The following FBXL17 variants were observed in gnomAD, a reference collection of about 807,000 sequenced individuals.
FBXL17 encodes the protein F-box and leucine rich repeat protein 17.
A neutral mutation model predicts 66.2 loss-of-function variants in FBXL17; 22 were observed. The observed-to-expected ratio is 0.33, with a 90% CI of 0.24 to 0.47. The LOEUF (loss-of-function observed/expected upper bound fraction) is 0.47, where lower values mean the gene tolerates loss of function less well. Among genes scored for constraint, FBXL17 ranks in the 20% least tolerant of loss-of-function variants. The pLI, the probability that FBXL17 is intolerant of heterozygous loss-of-function variation, is 1.00. For missense variants in FBXL17, 878 were observed against 948.2 expected (o/e 0.93, Z 0.97); for synonymous variants, 474 against 400.5 (o/e 1.18, Z -2.19).
intron 5 of FBXL17, among the ~76,000 whole-genome samples, chr5:108,197,654 T>C (rs1392186110): frequency 6.6e-6 from 1 of 152,184 alleles, no homozygotes; most frequent in Non-Finnish European, 1.5e-5. Flanking sequence ...AGCAATACAG[T>C]CAAATCATTT....
At chr5:108,374,753 A>C (rs1291453551) in intron 1 of FBXL17, among the ~76,000 whole-genome samples, 1 of 152,184 alleles carries the variant, frequency 6.6e-6, no homozygotes, top group Admixed American at 6.5e-5. Context: ...GGAAATCTGG[A>C]AATTTCACAA....
Position 108,381,842 on chromosome 5 carries a change from C to T in FBXL17, c.-151G>A. ...CACGCACACACGGGCACACACGCGA[C>T]GGTGGGGGGTGGGCGTCAGCTGCGG... On this transcript the variant is annotated 5_prime_UTR_variant, in exon 1 of 9. Transcript: ENST00000542267. The T allele has an allele frequency of 1.6e-6, 2 of 1,286,726 alleles. No individual in the cohort carries two copies. Among genetic ancestry groups the T allele is most frequent in the Non-Finnish European group, 2.0e-6 (2 of 1,016,956 alleles). 79.7% of individuals were successfully genotyped at this position (1,286,726 alleles called of 1,614,324 possible). A position where few individuals can be genotyped will look rare whatever the true frequency, so the allele number is the denominator to read the frequency against.
At chr5:108,116,147 A>G (rs940789727) in intron 6 of FBXL17, among the ~76,000 whole-genome samples, 1 of 152,178 alleles carries the variant, frequency 6.6e-6, no homozygotes, top group Non-Finnish European at 1.5e-5. Context: ...GAAAAACACT[A>G]AAGTTAAGAA....
chr5:107,866,355 T>A (rs1214419820), intron 8 of FBXL17, among the ~76,000 whole-genome samples: 1 of 152,244 alleles, frequency 6.6e-6, no homozygotes, highest in Non-Finnish European at 1.5e-5. Context: ...ATTTACATTT[T>A]CAAAATTGTT....
At chr5:107,960,675 A>G (rs753294165) in intron 7 of FBXL17, among the ~76,000 whole-genome samples, 8 of 152,178 alleles carry the variant, frequency 5.3e-5, no homozygotes, top group Non-Finnish European at 1.0e-4. Flanking sequence ...AGTAATTCAA[A>G]AAGGTTTCTG....
At chr5:107,883,379 C>T (rs1748857759) in intron 7 of FBXL17, among the ~76,000 whole-genome samples, 4 of 151,732 alleles carry the variant, frequency 2.6e-5, no homozygotes, top group Admixed American at 2.6e-4. Context: ...GCCATGCCAC[C>T]AGTGGTGGAA....
At chr5:108,139,652 C>G (rs1368818738) in intron 6 of FBXL17, among the ~76,000 whole-genome samples, 2 of 152,166 alleles carry the variant, frequency 1.3e-5, no homozygotes, top group Non-Finnish European at 2.9e-5. Flanking sequence ...AGGTTTTTAT[C>G]TCACAATTTG....
At chr5:108,194,656 C>T (rs978795103) in intron 5 of FBXL17, among the ~76,000 whole-genome samples, 1 of 152,188 alleles carries the variant, frequency 6.6e-6, no homozygotes, top group African/African-American at 2.4e-5. Context: ...GAAATCTAAT[C>T]TTAATGCTTG....
intron 6 of FBXL17, among the ~76,000 whole-genome samples, chr5:108,120,006 G>T (rs185639814): frequency 7.2e-5 from 11 of 152,332 alleles, no homozygotes; most frequent in Admixed American, 3.3e-4. Flanking sequence ...AACACATGCT[G>T]CACTTGTGCT....
intron 6 of FBXL17, among the ~76,000 whole-genome samples, chr5:108,151,762 C>T (rs886738961): frequency 6.6e-6 from 1 of 152,128 alleles, no homozygotes; most frequent in African/African-American, 2.4e-5. Flanking sequence ...TTTACCTCTG[C>T]GAAAAACCTG....
chr5:107,915,906 C>T (rs1487651174), intron 7 of FBXL17, among the ~76,000 whole-genome samples: 1 of 152,208 alleles, frequency 6.6e-6, no homozygotes, highest in Non-Finnish European at 1.5e-5. Flanking sequence ...ACAAAGGATG[C>T]ATGTTGCCGC....
chr5:108,135,214 T>C (rs949038683), intron 6 of FBXL17, among the ~76,000 whole-genome samples: 14 of 152,004 alleles, frequency 9.2e-5, no homozygotes, highest in Non-Finnish European at 1.9e-4. Context: ...TTAGCATAGA[T>C]TTGGAGAAAA....
At chr5:108,169,622 TA>T (rs1752534396) in intron 6 of FBXL17, among the ~76,000 whole-genome samples, 1 of 152,218 alleles carries the variant, frequency 6.6e-6, no homozygotes, top group South Asian at 2.1e-4. Context: ...TGAATCCACA[TA>T]CCTCACAGAT....
intron 4 of FBXL17, among the ~76,000 whole-genome samples, chr5:108,282,331 G>GT (rs1757733223): frequency 6.6e-6 from 1 of 151,696 alleles, no homozygotes; most frequent in Non-Finnish European, 1.5e-5. Flanking sequence ...CAAGTGGGTT[G>GT]AATGTATCAG....
Position 107,980,664 on chromosome 5 carries a change from A to ATATATATATTTTTTTT in FBXL17, c.1822+40260_1822+40261insAAAAAAAATATATATA. Among the ~76,000 whole-genome samples, 44 of 62,074 alleles carry ATATATATATTTTTTTT rather than the reference A, an allele frequency of 7.1e-4. 2 individuals carry two copies. Among genetic ancestry groups the ATATATATATTTTTTTT allele is most frequent in the African/African-American group, 3.9e-3 (38 of 9,748 alleles). 40.7% of individuals were successfully genotyped at this position (62,074 alleles called of 152,430 possible). A position where few individuals can be genotyped will look rare whatever the true frequency, so the allele number is the denominator to read the frequency against. On this transcript the variant is annotated intron_variant, in intron 7 of 8. Coordinates refer to ENST00000542267, the MANE Select transcript of FBXL17 (RefSeq NM_001163315.3). ...TAAAATAATATATATATATATATAT[A>ATATATATATTTTTTTT]TTTTTTTTTTGAGATGGAGTCTTGC... is the stretch of plus-strand genomic sequence containing the variant.
At chr5:108,154,221 C>A (rs1161512220) in intron 6 of FBXL17, among the ~76,000 whole-genome samples, 2 of 126,814 alleles carry the variant, frequency 1.6e-5, no homozygotes, top group African/African-American at 6.1e-5. Context: ...AGGGATATTA[C>A]AGAAAACAGA....
rs554498768 is a variant in FBXL17 at position 108,302,440 on chromosome 5, T to C, written c.1506+45959A>G. ...CTAGAAGCCTCTCTAAATGAGTCTT[T>C]AGCTTAAGGAAATAATCACTTTTAA... On this transcript the variant is annotated intron_variant, in intron 4 of 8. Coordinates refer to ENST00000542267, the MANE Select transcript of FBXL17 (RefSeq NM_001163315.3). 9.9e-5 allele frequency among the ~76,000 whole-genome samples: 15 copies of C among 151,940 alleles called. No homozygotes were observed. The South Asian group carries it at 2.9e-3, about 29-fold the overall frequency.
chr5:108,328,069 A>G (rs1759940664), intron 4 of FBXL17, among the ~76,000 whole-genome samples: 1 of 152,158 alleles, frequency 6.6e-6, no homozygotes, highest in South Asian at 2.1e-4. Flanking sequence ...TGACACAAAA[A>G]CTATCTTCCC....
intron 4 of FBXL17, among the ~76,000 whole-genome samples, chr5:108,227,692 C>T (rs1450925424): frequency 6.6e-6 from 1 of 152,200 alleles, no homozygotes; most frequent in East Asian, 1.9e-4. Context: ...AAACCAACAG[C>T]ATCTATGGTA....
Sources: gnomAD v4.1 joint callset for allele counts (sites outside exome capture counted in the v4.1 genomes callset) on GRCh38, gnomAD v4.1.1 for gene constraint, MANE v1.5 for transcripts, NCBI Gene and HGNC (gene_info 2026-07-23, HGNC 2026-07-21) for gene names.